The following USH2A variants were observed in gnomAD, a reference collection of about 807,000 sequenced individuals.
USH2A encodes Usher syndrome 2A (autosomal recessive, mild).
In USH2A, 443 loss-of-function variants were observed where a neutral mutation model predicts 538.9. The observed-to-expected ratio is 0.82, with a 90% CI of 0.76 to 0.89. USH2A has a LOEUF of 0.89. Among genes scored for constraint, USH2A ranks in the 40% least tolerant of loss-of-function variants. The pLI is 0.00. For missense variants in USH2A, 6,633 were observed against 6,324.8 expected (o/e 1.05, Z -1.65); for synonymous variants, 2,413 against 2,273.5 (o/e 1.06, Z -1.75).
intron 21 of USH2A, among the ~76,000 whole-genome samples, chr1:216,101,577 T>A (rs1338453459): frequency 6.6e-5 from 10 of 152,230 alleles, no homozygotes; most frequent in Admixed American, 6.5e-4. Flanking sequence ...TAAGAAGAGC[T>A]GTGGATCAGA....
chr1:215,800,157 C>T (rs899472643), intron 49 of USH2A, among the ~76,000 whole-genome samples: 2 of 152,098 alleles, frequency 1.3e-5, no homozygotes, highest in African/African-American at 2.4e-5. Context: ...CTTAAGGATA[C>T]CTTCAAAAGA....
rs143364764 is a variant in USH2A, at chr1:215,696,419, T to G, written c.12067-16043A>C. On this transcript the variant is annotated intron_variant, in intron 61 of 71. Transcript: ENST00000307340. ...GGTTTGGGTTTTGAAACTGGAAAAC[T>G]GTCAGAACTGAGTTTCTCTCTCTGT... is the stretch of plus-strand genomic sequence containing the variant. Among the ~76,000 whole-genome samples the G allele has an allele frequency of 2.6e-5, 4 of 152,312 alleles. No homozygotes were observed. The East Asian group carries it at 7.7e-4, about 29-fold the overall frequency.
At chr1:216,325,254 T>C (rs1206956400) in intron 6 of USH2A, 51 bp downstream of exon 6, 1 of 1,591,538 alleles carries the variant, frequency 6.3e-7, no homozygotes, top group African/African-American at 1.3e-5. Context: ...TTGTGGGCAT[T>C]TGTTGCAATA....
chr1:216,109,885 T>C (rs2102584611), intron 21 of USH2A, among the ~76,000 whole-genome samples: 1 of 152,296 alleles, frequency 6.6e-6, no homozygotes, highest in South Asian at 2.1e-4. Context: ...TTGTAAAAAT[T>C]GATGTATTTA....
intron 38 of USH2A, among the ~76,000 whole-genome samples, chr1:215,914,833 T>A (rs915158683): frequency 2.0e-5 from 3 of 152,280 alleles, no homozygotes; most frequent in Non-Finnish European, 4.4e-5. Context: ...CAACTGCTTT[T>A]GGATGAATGA....
intron 21 of USH2A, among the ~76,000 whole-genome samples, chr1:216,153,374 T>A (rs1420572690): frequency 6.6e-6 from 1 of 152,124 alleles, no homozygotes; most frequent in Non-Finnish European, 1.5e-5. Flanking sequence ...CACCTGCCCA[T>A]CTGCATGCTC....
intron 21 of USH2A, among the ~76,000 whole-genome samples, chr1:216,149,848 TC>T (rs1469403916): frequency 6.6e-6 from 1 of 152,094 alleles, no homozygotes; most frequent in Non-Finnish European, 1.5e-5. Context: ...CCGACTGCCG[TC>T]CGCCTGCAGG....
intron 9 of USH2A, among the ~76,000 whole-genome samples, chr1:216,316,394 C>T (rs2037509780): frequency 1.3e-5 from 2 of 152,160 alleles, no homozygotes; most frequent in South Asian, 4.1e-4. Context: ...ATTCTAGCTT[C>T]TAGTGTCTCA....
chr1:216,297,685 A>T (rs2037133550), intron 9 of USH2A, among the ~76,000 whole-genome samples: 1 of 152,176 alleles, frequency 6.6e-6, no homozygotes, highest in Non-Finnish European at 1.5e-5. Flanking sequence ...TTATAAATGC[A>T]CTGGTCTACG....
At chr1:215,710,808 T>C (rs942507517) in intron 61 of USH2A, among the ~76,000 whole-genome samples, 1 of 152,094 alleles carries the variant, frequency 6.6e-6, no homozygotes, top group Non-Finnish European at 1.5e-5. Flanking sequence ...ATGACTAAAT[T>C]ACTCAAAAGT....
At chr1:215,663,017 T>C (rs141322171) in intron 64 of USH2A, among the ~76,000 whole-genome samples, 32 of 152,278 alleles carry the variant, frequency 2.1e-4, no homozygotes, top group African/African-American at 7.0e-4. Context: ...TTTGGAATTT[T>C]AGTCATGGGT....
intron 11 of USH2A, among the ~76,000 whole-genome samples, chr1:216,274,115 C>T (rs1262694070): frequency 2.0e-5 from 3 of 152,044 alleles, no homozygotes; most frequent in African/African-American, 4.8e-5. Context: ...ACCTACTCTG[C>T]CACTGCACCA....
At chr1:216,332,439 A>T in intron 4 of USH2A, among the ~76,000 whole-genome samples, 1 of 152,226 alleles carries the variant, frequency 6.6e-6, no homozygotes, top group African/African-American at 2.4e-5. Flanking sequence ...GCAAATCCTT[A>T]AAAAATGCCT....
intron 30 of USH2A, among the ~76,000 whole-genome samples, chr1:216,068,713 CAG>C (rs1258832019): frequency 1.3e-5 from 2 of 151,634 alleles, no homozygotes; most frequent in African/African-American, 4.8e-5. Flanking sequence ...CTTTGTAAAA[CAG>C]AAAGGAAAAA....
At chr1:216,316,711 G>A (rs1467779915) in intron 9 of USH2A, among the ~76,000 whole-genome samples, 1 of 152,058 alleles carries the variant, frequency 6.6e-6, no homozygotes, top group East Asian at 1.9e-4. Context: ...TCTCATTGTG[G>A]TTTTGATATG....
chr1:216,214,397 A>C (rs2035303969), intron 15 of USH2A, among the ~76,000 whole-genome samples: 1 of 152,084 alleles, frequency 6.6e-6, no homozygotes, highest in Non-Finnish European at 1.5e-5. Context: ...ACTGAACCTC[A>C]AAAACATTTT....
intron 32 of USH2A, among the ~76,000 whole-genome samples, chr1:216,028,194 C>T (rs1669014061): frequency 1.3e-5 from 2 of 152,014 alleles, no homozygotes; most frequent in Admixed American, 1.3e-4. Flanking sequence ...TCGAGACCAG[C>T]CGGGCTAACA....
chr1:215,786,133 T>C (rs1661793422), intron 52 of USH2A, among the ~76,000 whole-genome samples: 1 of 152,198 alleles, frequency 6.6e-6, no homozygotes, highest in Non-Finnish European at 1.5e-5. Flanking sequence ...TTTGGACTAA[T>C]TCAGCAGGGC....
At chr1:215,741,146 C>T (rs369356282) in intron 60 of USH2A, among the ~76,000 whole-genome samples, 258 of 152,202 alleles carry the variant, frequency 1.7e-3, no homozygotes, top group African/African-American at 5.9e-3. Context: ...TGTTATATGG[C>T]AGTTATGGCT....
Sources: gnomAD v4.1 joint callset for allele counts (sites outside exome capture counted in the v4.1 genomes callset) on GRCh38, gnomAD v4.1.1 for gene constraint, MANE v1.5 for transcripts, NCBI Gene and HGNC (gene_info 2026-07-23, HGNC 2026-07-21) for gene names.